IFRD2: variants seen among roughly 807,000 people sequenced by gnomAD.
IFRD2 encodes the protein interferon-related developmental regulator 2.
In IFRD2, 35 loss-of-function variants were observed where a neutral mutation model predicts 49.2. That is an observed-to-expected ratio of 0.71 (90% CI 0.54 to 0.94). IFRD2 has a LOEUF of 0.94. Ranked by LOEUF, IFRD2 falls within the 40% of genes least tolerant of loss-of-function variation. IFRD2 has a pLI of 0.00. For synonymous variants in IFRD2, 275 were observed against 239.7 expected (o/e 1.15, Z -1.36); for missense variants, 561 against 591.6 (o/e 0.95, Z 0.54).
rs587761145 is a variant in IFRD2 at position 50,288,820 on chromosome 3, C to T, written c.1003G>A (p.Ala335Thr). 53 of 1,613,322 alleles carry T rather than the reference C, an allele frequency of 3.3e-5. No individual in the cohort carries two copies. The South Asian group carries it at 4.4e-4, about 13-fold the overall frequency. The change falls in exon 9 of 12, where the codon GCC (alanine) becomes ACC (threonine). Residue 335 changes from alanine to threonine, a missense_variant. Coordinates refer to ENST00000417626, the MANE Select transcript of IFRD2 (RefSeq NM_006764.5). ...DRRRQRSTFR[A>T]VLHSVEGGEC... ...CACACCTCCACGGAGTGCAGCACGG[C>T]GCGGAAAGTAGAGCGCTGGCGCCGA...
chr3:50,288,062 T>G lies in IFRD2; in HGVS notation c.*129A>C. Reference sequence around the variant, plus strand: ...TCCGGGCCCCCAGCTACCCACCCCATGTCTGTTTTTGGTTTTGTCATTAAA... The same window carrying G: ...TCCGGGCCCCCAGCTACCCACCCCAGGTCTGTTTTTGGTTTTGTCATTAAA... On this transcript the variant is annotated 3_prime_UTR_variant, in exon 12 of 12. Transcript: ENST00000417626. 1 of 830,668 alleles carries G rather than the reference T, an allele frequency of 1.2e-6. No homozygotes were observed. Among genetic ancestry groups the G allele is most frequent in the African/African-American group, 1.7e-5 (1 of 59,344 alleles). The allele number at this position is 830,668 out of a possible 1,614,324, so 51.5% of individuals were successfully genotyped here.
At position 50,288,713 on chromosome 3, in the gene IFRD2, T is replaced by C. The variant is rs1553709031; in HGVS notation, c.1024-2A>G. 6.2e-7 allele frequency: 1 copy of C among 1,613,384 alleles called. No individual in the cohort carries two copies. The highest frequency in any genetic ancestry group is 1.7e-5 in the Admixed American group (1 of 59,930). ...TATCTCTTCTTCGCATTCACCGCCC[T>C]GCAGGGTAGAGGTGCCAACACAACT... On this transcript the variant is annotated splice_acceptor_variant, in intron 9 of 11. Coordinates refer to ENST00000417626, the MANE Select transcript of IFRD2 (RefSeq NM_006764.5). LOFTEE classifies it high-confidence loss of function.
chr3:50,288,618 C>G lies in IFRD2; in HGVS notation c.1117G>C (p.Glu373Gln), dbSNP rs782550794. ...TGGTGCATGCCCGAACCCAGCACTTCCTTGAAGGCAGCGTAGATCCGGTGC... is the reference window on the plus strand; with the variant it reads ...TGGTGCATGCCCGAACCCAGCACTTGCTTGAAGGCAGCGTAGATCCGGTGC... ...ARHRIYAAFK[E>Q]VLGSGMHHHL... Residue 373 changes from glutamate (E) to glutamine (Q), a missense_variant, in exon 10 of 12, where the codon GAA (glutamate) becomes CAA (glutamine). By Grantham distance (29) the Glu-to-Gln change is conservative. Transcript: ENST00000417626. The G allele has an allele frequency of 1.9e-6, 3 of 1,613,940 alleles. No homozygotes were observed.
chr3:50,290,593 T>TG lies in IFRD2; in HGVS notation c.144dup (p.Ser49GlnfsTer18). ...TCCTCTGCAGTGGTGCTGAGAAGGC[T>TG]GGGGCATTCACTGGCGGTGCTGCGG... is the stretch of plus-strand genomic sequence containing the variant. On this transcript the variant is annotated frameshift_variant, in exon 2 of 12. Coordinates refer to ENST00000417626, the MANE Select transcript of IFRD2 (RefSeq NM_006764.5). LOFTEE classifies it high-confidence loss of function. The TG allele has an allele frequency of 6.2e-7, 1 of 1,613,928 alleles. No individual in the cohort carries two copies. The highest frequency in any genetic ancestry group is 8.5e-7 in the Non-Finnish European group (1 of 1,179,874).
rs782446572 is a variant in IFRD2 at position 50,290,230 on chromosome 3, C to T, written c.328G>A (p.Asp110Asn). The T allele has an allele frequency of 3.5e-5, 57 of 1,613,412 alleles. No individual in the cohort carries two copies. The highest frequency in any genetic ancestry group is 1.8e-4 in the East Asian group (8 of 44,868). Residue 110 changes from aspartate to asparagine, a missense_variant, in exon 4 of 12, where the codon GAC becomes AAC. Coordinates refer to ENST00000417626, the MANE Select transcript of IFRD2 (RefSeq NM_006764.5). The part of the protein sequence containing the change: ...RLALASRLLP[D>N]FLLERRLTLA... ...GTGAGGCGGCGCTCCAGCAAGAAGT[C>T]GGGGAGTAGGCGGGACGCTAGGGCC...
At chr3:50,289,222 T>C (rs1553709172) in intron 8 of IFRD2, 33 bp downstream of exon 8, 3 of 1,521,900 alleles carry the variant, frequency 2.0e-6, no homozygotes, top group Non-Finnish European at 1.8e-6. Context: ...GCAGGTGGTG[T>C]CACCAAGCAC....
Position 50,288,185 on chromosome 3 carries a change from C to G in IFRD2, c.*6G>C, listed in dbSNP as rs374857927. ...ATAGAAAGTCTCCTCTTCAGCAGGT[C>G]CTGCTTCACAGGATGTCTGCCCGCT... On this transcript the variant is annotated 3_prime_UTR_variant, in exon 12 of 12. Coordinates refer to ENST00000417626, the MANE Select transcript of IFRD2 (RefSeq NM_006764.5). 1.2e-6 allele frequency: 2 copies of G among 1,612,554 alleles called. No homozygotes were observed. The highest frequency in any genetic ancestry group is 1.7e-6 in the Non-Finnish European group (2 of 1,178,982).
intron 5 of IFRD2, 78 bp from the exon 6 acceptor site, chr3:50,289,840 G>A: frequency 6.3e-7 from 1 of 1,589,002 alleles, no homozygotes; most frequent in Non-Finnish European, 8.6e-7. Context: ...ACTCCCCTCA[G>A]AGTAAAGGAG....
Position 50,288,040 on chromosome 3 carries a change from G to A in IFRD2, c.*151C>T, listed in dbSNP as rs1013811585. ...AAAGGGGTCAGGGTCCCAAGTGTCC[G>A]GGCCCCCAGCTACCCACCCCATGTC... On this transcript the variant is annotated 3_prime_UTR_variant, in exon 12 of 12. Transcript: ENST00000417626. 22 of 697,580 alleles carry A rather than the reference G, an allele frequency of 3.2e-5. No homozygotes were observed. The highest frequency in any genetic ancestry group is 2.3e-4 in the South Asian group (13 of 57,744). 43.2% of individuals were successfully genotyped at this position (697,580 alleles called of 1,614,324 possible).
intron 1 of IFRD2, 125 bp from the exon 2 acceptor site, chr3:50,290,804 C>T: frequency 7.7e-7 from 1 of 1,305,084 alleles, no homozygotes; most frequent in East Asian, 2.5e-5. Context: ...AAAACCAAAG[C>T]CAAGGGTCAG....
rs1553709016 is a variant in IFRD2, at chr3:50,288,659, A to G, written c.1076T>C (p.Met359Thr). 3 of 1,613,800 alleles carry G rather than the reference A, an allele frequency of 1.9e-6. No homozygotes were observed. Among genetic ancestry groups the G allele is most frequent in the Non-Finnish European group, 2.5e-6 (3 of 1,179,866 alleles). The change falls in exon 10 of 12, where the codon ATG becomes ACG. Residue 359 changes from methionine (M) to threonine (T), a missense_variant. Transcript: ENST00000417626. Reference protein sequence around the residue: ...IVRFGFEVLYMDSWARHRIYA... With the variant: ...IVRFGFEVLYTDSWARHRIYA... ...GATCCGGTGCCGAGCCCAGCTGTCC[A>G]TGTAGAGCACCTCAAAGCCGAAGCG...
chr3:50,290,307 G>C lies in IFRD2; in HGVS notation c.264-13C>G. 1 of 1,608,460 alleles carries C rather than the reference G, an allele frequency of 6.2e-7. No individual in the cohort carries two copies. Among genetic ancestry groups the C allele is most frequent in the Non-Finnish European group, 8.5e-7 (1 of 1,177,288 alleles). ...CCGGGTCTTGGCACTGGGGGAGGTC[G>C]AGAAGGGGGGTCATATGGGCCAGCC... is the stretch of plus-strand genomic sequence containing the variant. On this transcript the variant is annotated splice_polypyrimidine_tract_variant and intron_variant, in intron 3 of 11. Coordinates refer to ENST00000417626, the MANE Select transcript of IFRD2 (RefSeq NM_006764.5).
intron 8 of IFRD2, 116 bp downstream of exon 8, chr3:50,289,139 G>A (rs1553709166): frequency 8.6e-7 from 1 of 1,168,750 alleles, no homozygotes; most frequent in Non-Finnish European, 1.2e-6. Context: ...TCTGTTTTGG[G>A]GCCACCTCCT....
intron 8 of IFRD2, 54 bp downstream of exon 8, chr3:50,289,201 G>A: frequency 6.9e-7 from 1 of 1,447,520 alleles, no homozygotes; most frequent in Non-Finnish European, 9.5e-7. Flanking sequence ...CCTGCATCCA[G>A]CCTGTGATGG....
At chr3:50,291,463 G>C (rs1017544910) in intron 1 of IFRD2, among the ~76,000 whole-genome samples, 2 of 151,952 alleles carry the variant, frequency 1.3e-5, no homozygotes, top group Middle Eastern at 3.2e-3. Flanking sequence ...CTTCCCCCCA[G>C]GCCTCCCTGA....
rs1553709224 is a variant in IFRD2, at chr3:50,289,340, T to C, written c.800A>G (p.Gln267Arg). ...GTTCACACTTTCACTGGACAAGAGC[T>C]GGGGCAGCCGGGGCAGCTGCCTAGG... is the stretch of plus-strand genomic sequence containing the variant. ...ILDRQLPRLP[Q>R]LLSSESVNLR... Residue 267 changes from glutamine to arginine, a missense_variant, in exon 8 of 12, where the codon CAG becomes CGG. Physicochemically the swap from Gln to Arg is conservative, Grantham distance 43. Coordinates refer to ENST00000417626, the MANE Select transcript of IFRD2 (RefSeq NM_006764.5). The C allele has an allele frequency of 6.2e-7, 1 of 1,600,308 alleles. No homozygotes were observed. Among genetic ancestry groups the C allele is most frequent in the Non-Finnish European group, 8.5e-7 (1 of 1,173,666 alleles).
chr3:50,288,149 G>C lies in IFRD2; in HGVS notation c.*42C>G, dbSNP rs782533487. 1 of 1,506,210 alleles carries C rather than the reference G, an allele frequency of 6.6e-7. No individual in the cohort carries two copies. The highest frequency in any genetic ancestry group is 2.3e-5 in the East Asian group (1 of 43,566). The allele number at this position is 1,506,210 out of a possible 1,614,324, so 93.3% of individuals were successfully genotyped here. A position where few individuals can be genotyped will look rare whatever the true frequency, so the allele number is the denominator to read the frequency against. On this transcript the variant is annotated 3_prime_UTR_variant, in exon 12 of 12. Coordinates refer to ENST00000417626, the MANE Select transcript of IFRD2 (RefSeq NM_006764.5). ...TTGCACTGTCTTCTGTTAAAAATAC[G>C]GACCAAGGGCATAGAAAGTCTCCTC... is the stretch of plus-strand genomic sequence containing the variant.
rs1553708999 is a variant in IFRD2, at chr3:50,288,587, A to T, written c.1148T>A (p.Leu383His). Reference sequence around the variant, plus strand: ...CCTCCCTGTCCGTCCCCGCACCTGGAGGTGGTGGTGCATGCCCGAACCCAG... The same window carrying T: ...CCTCCCTGTCCGTCCCCGCACCTGGTGGTGGTGGTGCATGCCCGAACCCAG... ...EVLGSGMHHH[L>H]QNNELLRDIF... The change falls in exon 10 of 12, where the codon CTC becomes CAC. Residue 383 changes from leucine (L) to histidine (H), a missense_variant. Physicochemically the swap from Leu to His is moderately conservative, Grantham distance 99. Coordinates refer to ENST00000417626, the MANE Select transcript of IFRD2 (RefSeq NM_006764.5). 1 of 1,613,818 alleles carries T rather than the reference A, an allele frequency of 6.2e-7. No homozygotes were observed.
At chr3:50,290,745 C>A (rs1399631972) in intron 1 of IFRD2, 66 bp from the exon 2 acceptor site, 17 of 1,569,878 alleles carry the variant, frequency 1.1e-5, no homozygotes, top group East Asian at 4.6e-5. Flanking sequence ...GGGTACCTCA[C>A]TCGACCTCAT....
Sources: gnomAD v4.1 joint callset for allele counts (sites outside exome capture counted in the v4.1 genomes callset) on GRCh38, gnomAD v4.1.1 for gene constraint, MANE v1.5 for transcripts, NCBI Gene and HGNC (gene_info 2026-07-23, HGNC 2026-07-21) for gene names.